SUN3: variants seen among roughly 807,000 people sequenced by gnomAD.
The protein encoded by SUN3 is SUN domain-containing protein 3.
Under a neutral mutation model 48.2 loss-of-function variants are expected in SUN3, and 36 were observed. The observed-to-expected ratio is 0.75, with a 90% CI of 0.57 to 0.99. The LOEUF (loss-of-function observed/expected upper bound fraction) is 0.99, where lower values mean the gene tolerates loss of function less well. Ranked by LOEUF, SUN3 falls within the 50% of genes least tolerant of loss-of-function variation. The pLI is 0.00. For missense variants in SUN3, 419 were observed against 433.1 expected, an observed-to-expected ratio of 0.97 and a Z score of 0.29; for synonymous variants, 148 against 147.9, an observed-to-expected ratio of 1.00 and a Z score of 0.00.
intron 2 of SUN3, among the ~76,000 whole-genome samples, chr7:48,017,659 C>G (rs1196342964): frequency 6.6e-6 from 1 of 152,156 alleles, no homozygotes; most frequent in Admixed American, 6.5e-5. Flanking sequence ...TTTCTAGAAA[C>G]AGAGCATGTG....
chr7:47,994,538 A>G (rs1429493300), intron 7 of SUN3, 56 bp from the exon 8 acceptor site: 2 of 1,510,558 alleles, frequency 1.3e-6, no homozygotes, highest in African/African-American at 1.4e-5. Context: ...CCATTCCCAC[A>G]ATACTGGTCA....
At position 47,987,210 on chromosome 7, in the gene SUN3, A is replaced by G; in HGVS notation, c.*120T>C. 37 of 1,035,426 alleles carry G rather than the reference A, an allele frequency of 3.6e-5. No homozygotes were observed. The highest frequency in any genetic ancestry group is 4.9e-5 in the Non-Finnish European group (37 of 755,572). 64.1% of individuals were successfully genotyped at this position (1,035,426 alleles called of 1,614,324 possible). A position where few individuals can be genotyped will look rare whatever the true frequency, so the allele number is the denominator to read the frequency against. On this transcript the variant is annotated 3_prime_UTR_variant, in exon 10 of 10. Coordinates refer to ENST00000297325, the MANE Select transcript of SUN3 (RefSeq NM_001030019.2). Reference sequence around the variant, plus strand: ...ATTTACTTTTTACAGGCAAGTATGAACCACTTTGAGGTTTTCTTCCCACTC... The same window carrying G: ...ATTTACTTTTTACAGGCAAGTATGAGCCACTTTGAGGTTTTCTTCCCACTC...
chr7:48,023,953 T>A (rs1790067693), intron 2 of SUN3, among the ~76,000 whole-genome samples: 1 of 152,196 alleles, frequency 6.6e-6, no homozygotes, highest in Non-Finnish European at 1.5e-5. Flanking sequence ...ATTCAGTTTT[T>A]GGAACAGAGG....
intron 6 of SUN3, among the ~76,000 whole-genome samples, chr7:47,999,605 T>C (rs1453920637): frequency 1.3e-5 from 2 of 152,244 alleles, no homozygotes; most frequent in African/African-American, 4.8e-5. Context: ...CAATCTCAGC[T>C]CACTGCAATT....
the SUN3 span, among the ~76,000 whole-genome samples, chr7:48,034,463 G>T: frequency 6.6e-6 from 1 of 152,150 alleles, no homozygotes; most frequent in African/African-American, 2.4e-5. Flanking sequence ...TTTTCAACAA[G>T]AGAAAACCAA....
the SUN3 span, chr7:48,035,483 G>A: frequency 1.4e-6 from 1 of 696,514 alleles, no homozygotes; most frequent in East Asian, 2.7e-5. This position sits in a 1 kb window ranked among gnomAD's most constrained non-coding sequence, Gnocchi z 4.0. Flanking sequence ...CCGCCGGTTG[G>A]CCGTTCAGCC....
chr7:48,025,501 T>G (rs1401803988), intron 2 of SUN3, among the ~76,000 whole-genome samples: 2 of 152,206 alleles, frequency 1.3e-5, no homozygotes, highest in Non-Finnish European at 2.9e-5. Context: ...GGGAACTGTG[T>G]GATGAGCAAG....
intron 3 of SUN3, among the ~76,000 whole-genome samples, chr7:48,014,915 G>A (rs2128779868): frequency 6.6e-6 from 1 of 152,170 alleles, no homozygotes; most frequent in African/African-American, 2.4e-5. Flanking sequence ...TCTTTCTTGG[G>A]GAATCTCATT....
intron 2 of SUN3, among the ~76,000 whole-genome samples, chr7:48,018,962 A>G (rs185178868): frequency 6.6e-6 from 1 of 152,332 alleles, no homozygotes; most frequent in Non-Finnish European, 1.5e-5. Context: ...TATGGATAAA[A>G]TGAGAATATT....
At chr7:48,005,075 G>A (rs1789486708) in intron 6 of SUN3, among the ~76,000 whole-genome samples, 2 of 152,150 alleles carry the variant, frequency 1.3e-5, no homozygotes, top group East Asian at 1.9e-4. Flanking sequence ...CGTCATCATA[G>A]GCTTTTCAAA....
chr7:48,009,216 T>C (rs1583765355), intron 3 of SUN3, 141 bp from the exon 4 acceptor site: 6 of 695,708 alleles, frequency 8.6e-6, no homozygotes, highest in South Asian at 8.3e-5. Context: ...GAGCGTCCTC[T>C]GAGAGGCCCG....
Position 48,005,269 on chromosome 7 carries a change from C to T in SUN3, c.577+700G>A, listed in dbSNP as rs1223329352. ...GAATCAGGTTTGGGAAAGTTCTGCC[C>T]TCTAACTCACTCTCTGAAAAACACA... is the stretch of plus-strand genomic sequence containing the variant. On this transcript the variant is annotated intron_variant, in intron 6 of 9. Transcript: ENST00000297325. Among the ~76,000 whole-genome samples the T allele has an allele frequency of 3.9e-5, 6 of 152,194 alleles. No homozygotes were observed. In the South Asian group the frequency reaches 8.3e-4, roughly 21 times the overall value.
chr7:47,995,914 T>C lies in SUN3; in HGVS notation c.693+117A>G, dbSNP rs553049849. 47 of 556,096 alleles carry C rather than the reference T, an allele frequency of 8.5e-5. No individual in the cohort carries two copies. The Admixed American group carries it at 9.3e-4, about 11-fold the overall frequency. The allele number at this position is 556,096 out of a possible 1,614,324, so 34.4% of individuals were successfully genotyped here. A position where few individuals can be genotyped will look rare whatever the true frequency, so the allele number is the denominator to read the frequency against. ...AAAATATAATGAGATGATTTCAGAT[T>C]CTGTGACAAGTTCAGACACTCTTAT... On this transcript the variant is annotated intron_variant, in intron 7 of 9. Coordinates refer to ENST00000297325, the MANE Select transcript of SUN3 (RefSeq NM_001030019.2).
At chr7:48,024,212 A>G in intron 2 of SUN3, among the ~76,000 whole-genome samples, 1 of 152,300 alleles carries the variant, frequency 6.6e-6, no homozygotes, top group African/African-American at 2.4e-5. Flanking sequence ...AAGTGCAAAG[A>G]CAACCTAGAA....
At chr7:48,014,431 C>CATT in intron 3 of SUN3, among the ~76,000 whole-genome samples, 1 of 152,160 alleles carries the variant, frequency 6.6e-6, no homozygotes, top group Admixed American at 6.5e-5. Flanking sequence ...GCTCCTTGAT[C>CATT]ATTACATTTT....
intron 3 of SUN3, among the ~76,000 whole-genome samples, chr7:48,013,744 C>T (rs1583770835): frequency 6.6e-6 from 1 of 152,198 alleles, no homozygotes. Flanking sequence ...GCGTTTCATG[C>T]CTGTAATCGC....
intron 2 of SUN3, among the ~76,000 whole-genome samples, chr7:48,019,999 AAAG>A (rs1789946102): frequency 6.8e-6 from 1 of 146,458 alleles, no homozygotes; most frequent in Admixed American, 6.7e-5. Context: ...AAAAAAAAAA[AAAG>A]AAAGAAAGAA....
At chr7:47,998,930 A>T (rs897394014) in intron 6 of SUN3, among the ~76,000 whole-genome samples, 1 of 152,180 alleles carries the variant, frequency 6.6e-6, no homozygotes, top group African/African-American at 2.4e-5. Flanking sequence ...AGGTAGTGTG[A>T]GTTCTCCAAC....
the SUN3 span, among the ~76,000 whole-genome samples, chr7:48,034,661 G>T: frequency 1.3e-5 from 2 of 152,112 alleles, no homozygotes; most frequent in African/African-American, 4.8e-5. Flanking sequence ...CATAGCTGTT[G>T]GTGTCTATTG....
Sources: gnomAD v4.1 joint callset for allele counts (sites outside exome capture counted in the v4.1 genomes callset) on GRCh38, gnomAD v4.1.1 for gene constraint, Gnocchi (gnomAD v3.1) non-coding constraint, MANE v1.5 for transcripts, NCBI Gene and HGNC (gene_info 2026-07-23, HGNC 2026-07-21) for gene names.